The following TGFA variants were observed in gnomAD, a reference collection of about 807,000 sequenced individuals.
TGFA encodes protransforming growth factor alpha.
A neutral mutation model predicts 21.7 loss-of-function variants in TGFA; 12 were observed. That is an observed-to-expected ratio of 0.55 (90% CI 0.35 to 0.90). The LOEUF is 0.90. Ranked by LOEUF, TGFA falls within the 40% of genes least tolerant of loss-of-function variation. The pLI, the probability that TGFA is intolerant of heterozygous loss-of-function variation, is 0.01. For missense variants in TGFA, 178 were observed against 210.8 expected (o/e 0.84, Z 0.96); for synonymous variants, 79 against 88.1 (o/e 0.90, Z 0.58).
At chr2:70,551,580 A>G (rs572597379) in intron 1 of TGFA, among the ~76,000 whole-genome samples, 2 of 152,202 alleles carry the variant, frequency 1.3e-5, no homozygotes, top group Non-Finnish European at 2.9e-5. Context: ...TTTGAAGGAA[A>G]TGTGCAAAGT....
In TGFA at chr2:70,456,352, A is replaced by C; in HGVS notation, c.352T>G (p.Cys118Gly). ...IVALAVLIIT[C>G]VLIHCCQVRK... ...GCAAGTACTCACTGTATCAGCACACATGTGATGATAAGGACAGCCAGGGCC... is the reference window on the plus strand; with the variant it reads ...GCAAGTACTCACTGTATCAGCACACCTGTGATGATAAGGACAGCCAGGGCC... Residue 118 changes from cysteine to glycine, a missense_variant, in exon 4 of 6, where the codon TGT becomes GGT. Transcript: ENST00000295400. 3.2e-6 allele frequency: 5 copies of C among 1,559,286 alleles called. No homozygotes were observed. In the South Asian group the frequency reaches 4.7e-5, roughly 15 times the overall value.
In TGFA at chr2:70,485,077, C is replaced by T. The variant is rs147893431; in HGVS notation, c.95-19341G>A. Reference sequence around the variant, plus strand: ...CACAGGCAGAAACTGAATTAAAATGCCAAGTTTCATCTATTCACTGCCCCC... The same window carrying T: ...CACAGGCAGAAACTGAATTAAAATGTCAAGTTTCATCTATTCACTGCCCCC... On this transcript the variant is annotated intron_variant, in intron 2 of 5. Transcript: ENST00000295400. 2.2e-3 allele frequency among the ~76,000 whole-genome samples: 337 copies of T among 152,306 alleles called. 1 individual carries two copies. The highest frequency in any genetic ancestry group is 3.9e-3 in the Admixed American group (59 of 15,294).
At chr2:70,513,506 G>A (rs1334145519) in intron 2 of TGFA, among the ~76,000 whole-genome samples, 1 of 152,128 alleles carries the variant, frequency 6.6e-6, no homozygotes, top group Non-Finnish European at 1.5e-5. Context: ...TCCACTTCCA[G>A]CCCCAACAAA....
rs35177436 is a variant in TGFA, at chr2:70,521,617, G to GTTTT, written c.41-6709_41-6706dup. Among the ~76,000 whole-genome samples, 393 of 87,042 alleles carry GTTTT rather than the reference G, an allele frequency of 4.5e-3. 9 individuals are homozygous for GTTTT. The highest frequency in any genetic ancestry group is 0.034 in the Middle Eastern group (4 of 116). 57.1% of individuals were successfully genotyped at this position (87,042 alleles called of 152,430 possible). A position where few individuals can be genotyped will look rare whatever the true frequency, so the allele number is the denominator to read the frequency against. On this transcript the variant is annotated intron_variant, in intron 1 of 5. Transcript: ENST00000295400. ...TAGTTTTTTTTGTTGTTGTTTGTTT[G>GTTTT]TTTTTTTTTTTTTTTTTTTTTGAGT...
intron 4 of TGFA, 91 bp downstream of exon 4, chr2:70,456,248 C>T (rs1670223485): frequency 2.1e-6 from 3 of 1,444,096 alleles, no homozygotes; most frequent in East Asian, 5.0e-5. Flanking sequence ...ATAAGCTGTG[C>T]TGAGGTGGCC....
chr2:70,521,609 G>GTTGGTTTT lies in TGFA; in HGVS notation c.41-6698_41-6697insAAAACCAA, dbSNP rs1432347684. 1.7e-3 allele frequency among the ~76,000 whole-genome samples: 133 copies of GTTGGTTTT among 78,826 alleles called. 3 individuals are homozygous for GTTGGTTTT. The highest frequency in any genetic ancestry group is 6.2e-3 in the African/African-American group (124 of 20,144). 51.7% of individuals were successfully genotyped at this position (78,826 alleles called of 152,430 possible). A position where few individuals can be genotyped will look rare whatever the true frequency, so the allele number is the denominator to read the frequency against. On this transcript the variant is annotated intron_variant, in intron 1 of 5. Coordinates refer to ENST00000295400, the MANE Select transcript of TGFA (RefSeq NM_003236.4). ...ACTATTGATAGTTTTTTTTGTTGTT[G>GTTGGTTTT]TTTGTTTGTTTTTTTTTTTTTTTTT...
intron 5 of TGFA, among the ~76,000 whole-genome samples, chr2:70,452,474 TCA>T (rs1670087408): frequency 6.7e-6 from 1 of 149,948 alleles, no homozygotes; most frequent in African/African-American, 2.4e-5. Context: ...GGTTTTAAGG[TCA>T]TTAGAGACCT....
intron 2 of TGFA, among the ~76,000 whole-genome samples, chr2:70,483,736 C>T (rs1553496131): frequency 6.6e-6 from 1 of 152,170 alleles, no homozygotes; most frequent in Admixed American, 6.5e-5. Context: ...AACTCTAGTT[C>T]TTTCTGTCCT....
rs942214666 is a variant in TGFA at position 70,548,547 on chromosome 2, G to A, written c.40+5181C>T. ...GTACAAATGCGAAGGTGAAGAAAACGGAAAGCCTTTCACAGTAAGGGAACA... is the reference window on the plus strand; with the variant it reads ...GTACAAATGCGAAGGTGAAGAAAACAGAAAGCCTTTCACAGTAAGGGAACA... On this transcript the variant is annotated intron_variant, in intron 1 of 5. Transcript: ENST00000295400. Among the ~76,000 whole-genome samples, 7 of 151,998 alleles carry A rather than the reference G, an allele frequency of 4.6e-5. No individual in the cohort carries two copies. In the East Asian group the frequency reaches 5.8e-4, roughly 13 times the overall value.
intron 1 of TGFA, among the ~76,000 whole-genome samples, chr2:70,522,676 C>T (rs1672507709): frequency 1.3e-5 from 2 of 152,128 alleles, no homozygotes; most frequent in South Asian, 4.1e-4. Flanking sequence ...CTTAAGTGAT[C>T]CACCTGCCTC....
intron 2 of TGFA, among the ~76,000 whole-genome samples, chr2:70,473,510 C>T (rs550331475): frequency 1.1e-4 from 16 of 151,792 alleles, no homozygotes; most frequent in East Asian, 5.8e-4. Context: ...GGAAACTGAT[C>T]GACAGGGGCA....
At chr2:70,469,027 A>T (rs111327660) in intron 2 of TGFA, among the ~76,000 whole-genome samples, 1,943 of 152,220 alleles carry the variant, frequency 0.013, 61 homozygotes, top group African/African-American at 0.045. Flanking sequence ...TACATGTTCA[A>T]AAAGGCTTTT....
intron 1 of TGFA, among the ~76,000 whole-genome samples, chr2:70,517,361 G>C (rs749237416): frequency 6.6e-6 from 1 of 152,188 alleles, no homozygotes; most frequent in Admixed American, 6.5e-5. Context: ...GAGCGGCAAG[G>C]CCTCTGCTTT....
At chr2:70,465,429 G>C (rs1464601021) in intron 3 of TGFA, among the ~76,000 whole-genome samples, 187 bp downstream of exon 3, 1 of 152,140 alleles carries the variant, frequency 6.6e-6, no homozygotes, top group Admixed American at 6.5e-5. Flanking sequence ...TGGGGGCCTT[G>C]GAACCTGGAT....
intron 2 of TGFA, among the ~76,000 whole-genome samples, chr2:70,482,112 T>A (rs1192001674): frequency 0.026 from 1,022 of 39,786 alleles, 8 homozygotes; most frequent in Non-Finnish European, 0.035. Flanking sequence ...AAAATTCTGA[T>A]TTTTTTTTTT....
At chr2:70,537,497 A>C (rs1673008233) in intron 1 of TGFA, among the ~76,000 whole-genome samples, 1 of 152,252 alleles carries the variant, frequency 6.6e-6, no homozygotes, top group African/African-American at 2.4e-5. Flanking sequence ...TGCGAAGGGA[A>C]AGTTCTTGGA....
intron 2 of TGFA, among the ~76,000 whole-genome samples, chr2:70,480,064 C>T (rs1207219333): frequency 1.3e-5 from 2 of 151,820 alleles, no homozygotes; most frequent in African/African-American, 4.8e-5. Flanking sequence ...TATTTTGGGG[C>T]TAGATAAAGA....
intron 1 of TGFA, among the ~76,000 whole-genome samples, chr2:70,532,931 G>C (rs411053): frequency 6.6e-6 from 1 of 150,648 alleles, no homozygotes; most frequent in Non-Finnish European, 1.5e-5. Context: ...CACAATCACT[G>C]CTCACTGCAG....
chr2:70,464,431 A>G (rs1670489675), intron 3 of TGFA, among the ~76,000 whole-genome samples: 1 of 152,186 alleles, frequency 6.6e-6, no homozygotes, highest in African/African-American at 2.4e-5. Context: ...AAAAATGGCA[A>G]TTTCATATGG....
Sources: allele counts gnomAD v4.1 joint callset (sites outside exome capture counted in the v4.1 genomes callset), GRCh38; gene constraint gnomAD v4.1.1; transcripts MANE v1.5; gene names NCBI Gene and HGNC (gene_info 2026-07-23, HGNC 2026-07-21).